The following ZNF704 variants were observed in gnomAD, a reference collection of about 807,000 sequenced individuals.
The protein encoded by ZNF704 is zinc finger protein 704.
In ZNF704, 10 loss-of-function variants were observed where a neutral mutation model predicts 44.7. The observed-to-expected ratio is 0.22, with a 90% confidence interval of 0.14 to 0.38. The LOEUF (loss-of-function observed/expected upper bound fraction) is 0.38. Among genes scored for constraint, ZNF704 ranks in the 10% least tolerant of loss-of-function variants. The probability of loss-of-function intolerance (pLI) is 1.00; values close to 1 mark genes in which losing one functional copy is unlikely to be tolerated. For missense variants in ZNF704, 390 were observed against 545.5 expected, an observed-to-expected ratio of 0.71 and a Z score of 2.84; for synonymous variants, 211 against 207.6, an observed-to-expected ratio of 1.02 and a Z score of -0.14.
At chr8:80,777,196 A>C (rs932316898) in intron 2 of ZNF704, among the ~76,000 whole-genome samples, 1 of 152,144 alleles carries the variant, frequency 6.6e-6, no homozygotes, top group African/African-American at 2.4e-5. Context: ...TCACGTCAGA[A>C]ATTGCTAGTT....
chr8:80,867,036 G>A (rs556288994), intron 1 of ZNF704, among the ~76,000 whole-genome samples: 4 of 152,296 alleles, frequency 2.6e-5, no homozygotes, highest in Non-Finnish European at 5.9e-5. Context: ...AAATGCTGGT[G>A]AAGGAGAAGA....
rs565742413 is a variant in ZNF704 at position 80,862,420 on chromosome 8, T to C, written c.-22+12151A>G. The stretch of plus-strand genomic sequence containing the variant: ...GAGCTGAGAGGAAGACCTATTTGAA[T>C]GGAGATCTCTTTTAGATATCTTTTT... On this transcript the variant is annotated intron_variant, in intron 1 of 8. Coordinates refer to ENST00000327835, the MANE Select transcript of ZNF704 (RefSeq NM_001033723.3). Among the ~76,000 whole-genome samples, 41 of 152,000 alleles carry C rather than the reference T, an allele frequency of 2.7e-4. No homozygotes were observed. The East Asian group carries it at 6.8e-3, about 25-fold the overall frequency.
intron 7 of ZNF704, among the ~76,000 whole-genome samples, chr8:80,653,466 C>G (rs559104553): frequency 1.1e-4 from 16 of 152,314 alleles, no homozygotes; most frequent in African/African-American, 3.8e-4. Flanking sequence ...GTAACTTCAG[C>G]AAAGTCTCAG....
At chr8:80,882,874 G>T in the ZNF704 span, among the ~76,000 whole-genome samples, 2 of 151,802 alleles carry the variant, frequency 1.3e-5, no homozygotes, top group East Asian at 3.8e-4. Flanking sequence ...CTTAGTTATT[G>T]CTTACATGCC....
chr8:80,726,675 G>A (rs1331673820), intron 2 of ZNF704, among the ~76,000 whole-genome samples: 2 of 152,122 alleles, frequency 1.3e-5, no homozygotes, highest in Non-Finnish European at 2.9e-5. Flanking sequence ...GACATACAGG[G>A]AGTTCAATAT....
chr8:80,859,779 C>A (rs78252226), intron 1 of ZNF704, among the ~76,000 whole-genome samples: 13 of 152,186 alleles, frequency 8.5e-5, no homozygotes, highest in African/African-American at 3.1e-4. Flanking sequence ...CCTCCTTCTA[C>A]TGGATGATTG....
chr8:80,728,441 T>C (rs1456833632), intron 2 of ZNF704, among the ~76,000 whole-genome samples: 1 of 152,208 alleles, frequency 6.6e-6, no homozygotes, highest in African/African-American at 2.4e-5. Context: ...TAGAATATCT[T>C]CCACGCCTGG....
chr8:80,777,648 G>C (rs1004885230), intron 2 of ZNF704, among the ~76,000 whole-genome samples: 6 of 152,112 alleles, frequency 3.9e-5, no homozygotes, highest in Admixed American at 3.9e-4. Flanking sequence ...GGAGGCCGAG[G>C]TAGGCAGATC....
chr8:80,846,437 C>T (rs968104875), intron 1 of ZNF704, among the ~76,000 whole-genome samples: 5 of 151,294 alleles, frequency 3.3e-5, no homozygotes, highest in Admixed American at 2.6e-4. Context: ...CACGTTAATT[C>T]TTCTACTTTG....
At chr8:80,853,176 G>A (rs1186767709) in intron 1 of ZNF704, among the ~76,000 whole-genome samples, 1 of 152,162 alleles carries the variant, frequency 6.6e-6, no homozygotes, top group Non-Finnish European at 1.5e-5. Flanking sequence ...TACCAGCCTA[G>A]GCAACACAGA....
At chr8:80,842,956 G>C (rs2129970842) in intron 1 of ZNF704, among the ~76,000 whole-genome samples, 1 of 152,310 alleles carries the variant, frequency 6.6e-6, no homozygotes. Context: ...CTGCAAGCCA[G>C]ATACCATTTC....
intron 2 of ZNF704, among the ~76,000 whole-genome samples, chr8:80,723,766 C>T (rs559753118): frequency 1.3e-5 from 2 of 152,226 alleles, no homozygotes; most frequent in Admixed American, 1.3e-4. Flanking sequence ...AAAATCCTTG[C>T]AGAGGATTCA....
chr8:80,664,746 C>T lies in ZNF704; in HGVS notation c.927+69G>A, dbSNP rs143869453. The stretch of plus-strand genomic sequence containing the variant: ...TTTTTCCACTGAGTTGTCTTTTACT[C>T]ATAGGCCAGATGGCCCCTGGTTTTG... On this transcript the variant is annotated intron_variant, in intron 6 of 8. Coordinates refer to ENST00000327835, the MANE Select transcript of ZNF704 (RefSeq NM_001033723.3). 2.9e-3 allele frequency: 4,619 copies of T among 1,588,414 alleles called. 26 individuals carry two copies. Among genetic ancestry groups the T allele is most frequent in the South Asian group, 0.01 (892 of 88,548 alleles).
chr8:80,811,445 C>A (rs1808080746), intron 2 of ZNF704, among the ~76,000 whole-genome samples: 1 of 151,920 alleles, frequency 6.6e-6, no homozygotes, highest in Non-Finnish European at 1.5e-5. Context: ...GTTGACAAAA[C>A]AATTATTTCA....
chr8:80,762,133 T>C (rs1364475505), intron 2 of ZNF704, among the ~76,000 whole-genome samples: 2 of 152,244 alleles, frequency 1.3e-5, no homozygotes, highest in African/African-American at 2.4e-5. Flanking sequence ...ATGAATTAGA[T>C]GTCTCTAAAA....
At chr8:80,753,689 T>C (rs563458449) in intron 2 of ZNF704, among the ~76,000 whole-genome samples, 1 of 152,134 alleles carries the variant, frequency 6.6e-6, no homozygotes, top group Non-Finnish European at 1.5e-5. Flanking sequence ...AAGGAAGCAA[T>C]GAAGCAAATT....
chr8:80,672,529 T>TAC (rs1818298508), intron 4 of ZNF704, among the ~76,000 whole-genome samples: 2 of 152,054 alleles, frequency 1.3e-5, no homozygotes, highest in African/African-American at 4.8e-5. Context: ...GGTGTCAGTG[T>TAC]AATGAATAAA....
intron 1 of ZNF704, among the ~76,000 whole-genome samples, chr8:80,847,797 T>C (rs1808791602): frequency 6.6e-6 from 1 of 152,210 alleles, no homozygotes; most frequent in African/African-American, 2.4e-5. Context: ...TCACATGTTC[T>C]ACAAAAATTA....
chr8:80,653,137 C>T (rs1817950944), intron 7 of ZNF704, among the ~76,000 whole-genome samples: 1 of 152,210 alleles, frequency 6.6e-6, no homozygotes, highest in African/African-American at 2.4e-5. Flanking sequence ...GCTAAAAACT[C>T]TCAATAAATT....
Sources: gnomAD v4.1 joint callset for allele counts (sites outside exome capture counted in the v4.1 genomes callset) on GRCh38, gnomAD v4.1.1 for gene constraint, MANE v1.5 for transcripts, NCBI Gene and HGNC (gene_info 2026-07-23, HGNC 2026-07-21) for gene names.